Variants in FOXP2 observed in about 807,000 individuals in gnomAD.
FOXP2 encodes forkhead box P2.
In FOXP2, 12 loss-of-function variants were observed where a neutral mutation model predicts 115.8. The observed-to-expected ratio is 0.10, with a 90% CI of 0.07 to 0.17. FOXP2 has a LOEUF of 0.17. Among genes scored for constraint, FOXP2 ranks in the 10% least tolerant of loss-of-function variants. FOXP2 has a pLI of 1.00. For missense variants in FOXP2, 629 were observed against 843.5 expected, an observed-to-expected ratio of 0.75 and a Z score of 3.15; for synonymous variants, 328 against 297.7, an observed-to-expected ratio of 1.10 and a Z score of -1.05.
chr7:114,432,569 A>G (rs1794160981), intron 2 of FOXP2, among the ~76,000 whole-genome samples: 1 of 151,980 alleles, frequency 6.6e-6, no homozygotes, highest in African/African-American at 2.4e-5. Context: ...ATATTTGGTT[A>G]AAGACATTTC....
intron 3 of FOXP2, among the ~76,000 whole-genome samples, chr7:114,589,837 G>A (rs1474238575): frequency 6.6e-6 from 1 of 152,070 alleles, no homozygotes; most frequent in Non-Finnish European, 1.5e-5. Context: ...ATACTCTTTT[G>A]TTTGTCAACT....
At chr7:114,393,776 T>A (rs998562581) in intron 2 of FOXP2, among the ~76,000 whole-genome samples, 3 of 152,028 alleles carry the variant, frequency 2.0e-5, no homozygotes, top group African/African-American at 7.2e-5. Context: ...ACACAGGGAA[T>A]TGATCACATA....
chr7:114,546,516 G>T (rs975219293), intron 3 of FOXP2, among the ~76,000 whole-genome samples: 2 of 152,030 alleles, frequency 1.3e-5, no homozygotes, highest in African/African-American at 4.8e-5. Context: ...CAGGCATTTT[G>T]CAGGGCATCA....
rs187765779 is a variant in FOXP2, at chr7:114,662,210, T to C, written c.1769+24T>C. On this transcript the variant is annotated intron_variant, in intron 14 of 16. Coordinates refer to ENST00000350908, the MANE Select transcript of FOXP2 (RefSeq NM_014491.4). ...GGGTATGTTTGTGATAGTTTTGTAA[T>C]CCTGTATCCTGCATCCACCAGGAAA... is the stretch of plus-strand genomic sequence containing the variant. 4.7e-3 allele frequency: 7,533 copies of C among 1,611,632 alleles called. 16 individuals carry two copies. The highest frequency in any genetic ancestry group is 5.2e-3 in the Non-Finnish European group (6,088 of 1,178,232).
chr7:114,192,823 G>A (rs1793796682), intron 1 of FOXP2, among the ~76,000 whole-genome samples: 1 of 152,142 alleles, frequency 6.6e-6, no homozygotes, highest in Non-Finnish European at 1.5e-5. Flanking sequence ...AATCACATCA[G>A]CACAGTTTAC....
chr7:114,400,823 C>G (rs1195275059), intron 2 of FOXP2, among the ~76,000 whole-genome samples: 1 of 151,964 alleles, frequency 6.6e-6, no homozygotes, highest in East Asian at 1.9e-4. Flanking sequence ...GGTCCGTGGC[C>G]CAGGGGTTGG....
At chr7:114,484,585 A>G (rs1796693086) in intron 2 of FOXP2, among the ~76,000 whole-genome samples, 1 of 151,922 alleles carries the variant, frequency 6.6e-6, no homozygotes, top group South Asian at 2.1e-4. Context: ...TAATAATGAC[A>G]TTGATTGTTC....
At chr7:114,395,242 C>G (rs1477979871) in intron 2 of FOXP2, among the ~76,000 whole-genome samples, 1 of 152,032 alleles carries the variant, frequency 6.6e-6, no homozygotes, top group African/African-American at 2.4e-5. Context: ...GCCAGATATC[C>G]ACAAATAAAA....
chr7:114,574,257 A>G (rs1214101366), intron 3 of FOXP2, among the ~76,000 whole-genome samples: 1 of 151,820 alleles, frequency 6.6e-6, no homozygotes, highest in African/African-American at 2.4e-5. Flanking sequence ...AAGAGTAACA[A>G]TATAATGTCC....
chr7:114,390,534 T>TTATTTATTTATTTATG (rs1695639104), intron 2 of FOXP2, among the ~76,000 whole-genome samples: 1 of 148,976 alleles, frequency 6.7e-6, no homozygotes, highest in Non-Finnish European at 1.5e-5. Flanking sequence ...ATTTATTTAT[T>TTATTTATTTATTTATG]TATTTATTTA....
chr7:114,450,912 C>T (rs1256349381), intron 2 of FOXP2, among the ~76,000 whole-genome samples: 1 of 151,934 alleles, frequency 6.6e-6, no homozygotes, highest in Non-Finnish European at 1.5e-5. Flanking sequence ...TGTCTCTGTT[C>T]ATGTAAAACA....
chr7:114,155,961 T>C (rs961163617), intron 1 of FOXP2, among the ~76,000 whole-genome samples: 1 of 152,122 alleles, frequency 6.6e-6, no homozygotes, highest in Admixed American at 6.6e-5. Context: ...GTATGCACAG[T>C]GGCTTGCTAA....
intron 2 of FOXP2, among the ~76,000 whole-genome samples, chr7:114,500,764 G>A: frequency 6.6e-6 from 1 of 152,070 alleles, no homozygotes; most frequent in East Asian, 1.9e-4. Flanking sequence ...CATAGAGAAA[G>A]ACAAACAAAC....
At chr7:114,120,381 G>A (rs1791526382) in intron 1 of FOXP2, among the ~76,000 whole-genome samples, 1 of 152,082 alleles carries the variant, frequency 6.6e-6, no homozygotes, top group African/African-American at 2.4e-5. Flanking sequence ...TTAGAGCACT[G>A]GCATTTATCT....
rs569192442 is a variant in FOXP2, at chr7:114,284,803, A to G, written c.-101-3216A>G. Among the ~76,000 whole-genome samples the G allele has an allele frequency of 3.9e-5, 6 of 152,292 alleles. No individual in the cohort carries two copies. In the East Asian group the frequency reaches 9.6e-4, roughly 24 times the overall value. ...TTCACAATAGCAAAACATGGAGTCAACCTAAACGCTCATCAACAGTAGACC... is the reference window on the plus strand; with the variant it reads ...TTCACAATAGCAAAACATGGAGTCAGCCTAAACGCTCATCAACAGTAGACC... On this transcript the variant is annotated intron_variant, in intron 1 of 17. Coordinates refer to the FOXP2 transcript ENST00000634411.
At chr7:114,264,358 A>G (rs1795842467) in intron 1 of FOXP2, among the ~76,000 whole-genome samples, 1 of 152,126 alleles carries the variant, frequency 6.6e-6, no homozygotes, top group Admixed American at 6.5e-5. Context: ...TGTAAAGGTG[A>G]CCTGAGACCA....
chr7:114,153,647 A>T (rs990768703), intron 1 of FOXP2, among the ~76,000 whole-genome samples: 2 of 152,090 alleles, frequency 1.3e-5, no homozygotes, highest in Non-Finnish European at 2.9e-5. Flanking sequence ...TTGGAAGTTA[A>T]CTCTTGAATG....
intron 3 of FOXP2, among the ~76,000 whole-genome samples, chr7:114,580,159 T>C (rs955293737): frequency 6.6e-6 from 1 of 152,170 alleles, no homozygotes; most frequent in Non-Finnish European, 1.5e-5. Flanking sequence ...CTTAGAGCAA[T>C]AGAAAGCAGT....
At chr7:114,163,606 G>A (rs558511005) in intron 1 of FOXP2, among the ~76,000 whole-genome samples, 23 of 152,088 alleles carry the variant, frequency 1.5e-4, no homozygotes, top group African/African-American at 2.4e-4. Flanking sequence ...CAATTTTGTC[G>A]GCTCAGTGTA....
Sources: gnomAD v4.1 joint callset for allele counts (sites outside exome capture counted in the v4.1 genomes callset) on GRCh38, gnomAD v4.1.1 for gene constraint, MANE v1.5 for transcripts, NCBI Gene and HGNC (gene_info 2026-07-23, HGNC 2026-07-21) for gene names.